Variants in ALDH3B1 observed in about 807,000 individuals in gnomAD.
ALDH3B1 encodes aldehyde dehydrogenase 3 family member B1.
Under a neutral mutation model 46.2 loss-of-function variants are expected in ALDH3B1, and 37 were observed. The ratio of observed to expected loss-of-function variants is 0.80; its 90% CI spans 0.62 to 1.05. The LOEUF is 1.05. Ranked by LOEUF, ALDH3B1 falls within the 50% of genes least tolerant of loss-of-function variation. The pLI, the probability that ALDH3B1 is intolerant of heterozygous loss-of-function variation, is 0.00. For missense variants in ALDH3B1, 603 were observed against 665.5 expected (o/e 0.91, Z 1.03); for synonymous variants, 283 against 281.0 (o/e 1.01, Z -0.07).
In ALDH3B1 at chr11:68,027,996, G is replaced by A. The variant is rs777232783; in HGVS notation, c.*57G>A. 6 of 1,562,996 alleles carry A rather than the reference G, an allele frequency of 3.8e-6. No individual in the cohort carries two copies. Among genetic ancestry groups the A allele is most frequent in the Non-Finnish European group, 4.3e-6 (5 of 1,161,608 alleles). Reference sequence around the variant, plus strand: ...ATGACAGCTGTCGCCTGCGGCTGGTGGAGACGGGGCCTGGGCTCCCGGGCC... The same window carrying A: ...ATGACAGCTGTCGCCTGCGGCTGGTAGAGACGGGGCCTGGGCTCCCGGGCC... On this transcript the variant is annotated 3_prime_UTR_variant, in exon 10 of 10. Transcript: ENST00000342456.
At position 68,025,490 on chromosome 11, in the gene ALDH3B1, G is replaced by C. The variant is rs148749445; in HGVS notation, c.1117-519G>C. 9.5e-4 allele frequency among the ~76,000 whole-genome samples: 144 copies of C among 152,318 alleles called. 2 individuals are homozygous for C. The highest frequency in any genetic ancestry group is 2.5e-3 in the African/African-American group (104 of 41,556). ...TCAAGGACCTTCAAGCAAGGGCCAA[G>C]CTTCTGTTTCTAAAGTGCAAATCTG... On this transcript the variant is annotated intron_variant, in intron 8 of 9. Transcript: ENST00000342456.
chr11:68,011,171 C>T (rs896027610), intron 1 of ALDH3B1, among the ~76,000 whole-genome samples: 5 of 152,208 alleles, frequency 3.3e-5, no homozygotes, highest in African/African-American at 1.2e-4. Context: ...TTCGTGAATC[C>T]GGACAGCCTC....
At chr11:68,012,451 C>A (rs962158842) in intron 1 of ALDH3B1, among the ~76,000 whole-genome samples, 1 of 152,236 alleles carries the variant, frequency 6.6e-6, no homozygotes, top group Non-Finnish European at 1.5e-5. Flanking sequence ...GCAACTCCCC[C>A]CCACCCCAGA....
At chr11:68,026,475 C>T (rs1286254924) in intron 9 of ALDH3B1, among the ~76,000 whole-genome samples, 5 of 152,174 alleles carry the variant, frequency 3.3e-5, no homozygotes, top group African/African-American at 4.8e-5. Context: ...GCAATGCCGC[C>T]GGTGTCCTTT....
chr11:68,014,048 C>A (rs550272787), intron 1 of ALDH3B1, among the ~76,000 whole-genome samples: 1 of 152,212 alleles, frequency 6.6e-6, no homozygotes, highest in East Asian at 1.9e-4. Context: ...CACAGCCTTG[C>A]GCTCACCGAT....
At chr11:68,023,188 G>GC (rs1440315794) in intron 8 of ALDH3B1, among the ~76,000 whole-genome samples, 1 of 152,162 alleles carries the variant, frequency 6.6e-6, no homozygotes, top group African/African-American at 2.4e-5. Flanking sequence ...AGGCAGCCTG[G>GC]GAGGCCCAAG....
intron 1 of ALDH3B1, among the ~76,000 whole-genome samples, chr11:68,014,173 G>A (rs1857291172): frequency 6.6e-6 from 1 of 152,252 alleles, no homozygotes; most frequent in East Asian, 1.9e-4. Context: ...AGTAGGCACA[G>A]AGGGGCCTGC....
chr11:68,008,932 G>A (rs1230397318), upstream of ALDH3B1, among the ~76,000 whole-genome samples: 1 of 152,120 alleles, frequency 6.6e-6, no homozygotes, highest in East Asian at 1.9e-4. Context: ...GCTCTGACAG[G>A]TGTATCCGGG....
In ALDH3B1 at chr11:68,015,714, A is replaced by G. The variant is rs1355489137; in HGVS notation, c.162+255A>G. 15 of 668,046 alleles carry G rather than the reference A, an allele frequency of 2.2e-5. No individual in the cohort carries two copies. In the East Asian group the frequency reaches 4.3e-4, roughly 19 times the overall value. The allele number at this position is 668,046 out of a possible 1,614,324, so 41.4% of individuals were successfully genotyped here. ...GGGGATATAGCAGAGAATAAAACACAGTTCCCATGCCTACGAAGATGACCT... is the reference window on the plus strand; with the variant it reads ...GGGGATATAGCAGAGAATAAAACACGGTTCCCATGCCTACGAAGATGACCT... On this transcript the variant is annotated intron_variant, in intron 2 of 9. Transcript: ENST00000342456.
intron 1 of ALDH3B1, among the ~76,000 whole-genome samples, chr11:68,012,396 C>T (rs1226532501): frequency 3.9e-5 from 6 of 152,210 alleles, no homozygotes; most frequent in Non-Finnish European, 8.8e-5. Flanking sequence ...GCCCTGGCCC[C>T]CAGGCCAGAG....
chr11:68,017,505 C>G (rs4646809), intron 2 of ALDH3B1: 64,821 of 152,488 alleles, frequency 0.43, 14,073 homozygotes, highest in Non-Finnish European at 0.47. Flanking sequence ...GCTGCCTCAG[C>G]CAGGGAGCCA....
At chr11:68,027,536 G>A (rs559048220) in intron 9 of ALDH3B1, among the ~76,000 whole-genome samples, 2 of 152,244 alleles carry the variant, frequency 1.3e-5, no homozygotes, top group South Asian at 4.1e-4. Flanking sequence ...ACCACCACCC[G>A]CCTATCTTGC....
In ALDH3B1 at chr11:68,029,229, C is replaced by T. The variant is rs1283512810; in HGVS notation, c.*1290C>T. Reference sequence around the variant, plus strand: ...CAGGGGTGGACCTGAGTTTCGTCTCCTGTCTCTCTGGCTGATGTCACCTGA... The same window carrying T: ...CAGGGGTGGACCTGAGTTTCGTCTCTTGTCTCTCTGGCTGATGTCACCTGA... On this transcript the variant is annotated 3_prime_UTR_variant, in exon 10 of 10. Transcript: ENST00000342456. The T allele has an allele frequency of 6.6e-6, 1 of 152,232 alleles. No homozygotes were observed. The highest frequency in any genetic ancestry group is 2.4e-5 in the African/African-American group (1 of 41,438). 9.4% of individuals were successfully genotyped at this position (152,232 alleles called of 1,614,324 possible).
chr11:68,019,492 C>T (rs1390462344), intron 5 of ALDH3B1, among the ~76,000 whole-genome samples: 1 of 152,264 alleles, frequency 6.6e-6, no homozygotes, highest in Non-Finnish European at 1.5e-5. Context: ...GCCCTGGCAT[C>T]AGCCCCTCCA....
rs1279571657 is a variant in ALDH3B1, at chr11:68,015,360, G to A, written c.63G>A (p.Arg21=). The change falls in exon 2 of 10, where the codon CGG becomes CGA. Residue 21 remains arginine (R), a synonymous_variant. Transcript: ENST00000342456. ...LREAFHAGRT[R]PAEFRAAQLQ... ...AGGCCTTCCACGCGGGGCGCACGCG[G>A]CCAGCTGAGTTCCGGGCTGCGCAGC... 3 of 1,546,116 alleles carry A rather than the reference G, an allele frequency of 1.9e-6. No individual in the cohort carries two copies. Among genetic ancestry groups the A allele is most frequent in the African/African-American group, 2.7e-5 (2 of 73,098 alleles).
chr11:68,015,583 C>G, intron 2 of ALDH3B1, 124 bp downstream of exon 2: 1 of 1,311,584 alleles, frequency 7.6e-7, no homozygotes, highest in Non-Finnish European at 1.1e-6. Flanking sequence ...AGCTCCTCCC[C>G]TAGGCCAGAG....
Position 68,021,618 on chromosome 11 carries a change from GGCCTGGTTCC to G in ALDH3B1, c.699_708del (p.Trp234ThrfsTer94). 2 of 1,614,070 alleles carry G rather than the reference GGCCTGGTTCC, an allele frequency of 1.2e-6. No homozygotes were observed. Among genetic ancestry groups the G allele is most frequent in the Non-Finnish European group, 1.7e-6 (2 of 1,179,992 alleles). On this transcript the variant is annotated frameshift_variant, in exon 7 of 10. Coordinates refer to ENST00000342456, the MANE Select transcript of ALDH3B1 (RefSeq NM_000694.4). LOFTEE classifies it high-confidence loss of function. ...ACCCCCAGACCGTGGCCAACCGCGT[GGCCTGGTTCC>G]GCTACTTCAACGCCGGCCAGACCTG...
intron 9 of ALDH3B1, among the ~76,000 whole-genome samples, chr11:68,026,493 G>A (rs1228021370): frequency 5.9e-5 from 9 of 152,002 alleles, no homozygotes; most frequent in Non-Finnish European, 5.9e-5. Flanking sequence ...TTTACTCCAG[G>A]GCAGCTGCTC....
At chr11:68,025,832 C>T (rs939185667) in intron 8 of ALDH3B1, among the ~76,000 whole-genome samples, 177 bp from the exon 9 acceptor site, 1 of 152,228 alleles carries the variant, frequency 6.6e-6, no homozygotes, top group African/African-American at 2.4e-5. Context: ...TCATGAGGAG[C>T]TGCTACACAA....
Sources: allele counts gnomAD v4.1 joint callset (sites outside exome capture counted in the v4.1 genomes callset), GRCh38; gene constraint gnomAD v4.1.1; transcripts MANE v1.5; gene names NCBI Gene and HGNC (gene_info 2026-07-23, HGNC 2026-07-21).